C3orf70: variants seen among roughly 807,000 people sequenced by gnomAD.
C3orf70 encodes chromosome 3 open reading frame 70, also known as UPF0524 protein C3orf70.
In C3orf70, 15 loss-of-function variants were observed where a neutral mutation model predicts 20.7. The observed-to-expected ratio is 0.72, with a 90% CI of 0.48 to 1.11. C3orf70 has a LOEUF of 1.11. C3orf70 is among the 50% of genes most tolerant of loss of function. C3orf70 has a pLI of 0.00. For missense variants in C3orf70, 332 were observed against 317.6 expected, an observed-to-expected ratio of 1.05 and a Z score of -0.34; for synonymous variants, 161 against 125.7, an observed-to-expected ratio of 1.28 and a Z score of -1.88.
intron 1 of C3orf70, among the ~76,000 whole-genome samples, chr3:185,127,553 C>A (rs1716438293): frequency 6.6e-6 from 1 of 152,106 alleles, no homozygotes; most frequent in South Asian, 2.1e-4. Context: ...GATTCTCTTG[C>A]CTTGGCCTCC....
chr3:185,104,933 AT>A (rs1187239722), intron 1 of C3orf70, among the ~76,000 whole-genome samples: 1 of 152,240 alleles, frequency 6.6e-6, no homozygotes, highest in Non-Finnish European at 1.5e-5. Context: ...ATTTACCTTT[AT>A]AACAAACCTG....
At chr3:185,100,090 A>G (rs1715790926) in intron 1 of C3orf70, among the ~76,000 whole-genome samples, 1 of 152,198 alleles carries the variant, frequency 6.6e-6, no homozygotes, top group Non-Finnish European at 1.5e-5. Context: ...TGAGACTTCC[A>G]CACAAGAATA....
intron 1 of C3orf70, among the ~76,000 whole-genome samples, chr3:185,100,898 A>G (rs955162548): frequency 6.6e-6 from 1 of 152,242 alleles, no homozygotes; most frequent in Admixed American, 6.5e-5. Context: ...ATCAGAGAAT[A>G]TTATGAACAC....
chr3:185,083,183 T>G lies in C3orf70; in HGVS notation c.577A>C (p.Asn193His). ...SPSSSEDSGI[N>H]AIGAHYVESC... ...TCCACATAGTGAGCCCCAATCGCAT[T>G]GATCCCAGAGTCCTCAGAACTTGAG... The change falls in exon 2 of 2, where the codon AAT (asparagine) becomes CAT (histidine). Residue 193 changes from asparagine to histidine, a missense_variant. Physicochemically the swap from Asn to His is moderately conservative, Grantham distance 68. Transcript: ENST00000335012. 1 of 1,614,184 alleles carries G rather than the reference T, an allele frequency of 6.2e-7. No homozygotes were observed. Among genetic ancestry groups the G allele is most frequent in the Non-Finnish European group, 8.5e-7 (1 of 1,180,036 alleles).
chr3:185,105,691 C>A (rs1715918951), intron 1 of C3orf70, among the ~76,000 whole-genome samples: 1 of 152,218 alleles, frequency 6.6e-6, no homozygotes, highest in African/African-American at 2.4e-5. Flanking sequence ...GTTAGGGTCT[C>A]CCCAACCGAG....
At chr3:185,101,322 G>A (rs983497690) in intron 1 of C3orf70, among the ~76,000 whole-genome samples, 14 of 152,278 alleles carry the variant, frequency 9.2e-5, no homozygotes, top group Admixed American at 7.8e-4. Flanking sequence ...ACATCAAAAT[G>A]CTTATCCACC....
At chr3:185,150,774 T>C (rs374629846) in intron 1 of C3orf70, among the ~76,000 whole-genome samples, 5 of 152,172 alleles carry the variant, frequency 3.3e-5, no homozygotes, top group East Asian at 1.9e-4. Flanking sequence ...CAAAACCACC[T>C]TGGCACATGT....
chr3:185,121,150 G>T (rs969102461), intron 1 of C3orf70, among the ~76,000 whole-genome samples: 1 of 152,044 alleles, frequency 6.6e-6, no homozygotes, highest in Non-Finnish European at 1.5e-5. Flanking sequence ...AACATCATAC[G>T]TTCTCACTCA....
intron 1 of C3orf70, among the ~76,000 whole-genome samples, chr3:185,138,156 A>G (rs1265890105): frequency 1.3e-5 from 2 of 152,196 alleles, no homozygotes; most frequent in Non-Finnish European, 2.9e-5. Context: ...AATGAAATAA[A>G]CCAATTCCTG....
chr3:185,151,087 A>G (rs987724082), intron 1 of C3orf70, among the ~76,000 whole-genome samples: 7 of 152,254 alleles, frequency 4.6e-5, no homozygotes, highest in African/African-American at 1.7e-4. Flanking sequence ...ATTGTTCTAT[A>G]TGATTTCATA....
chr3:185,088,624 G>A (rs1715505581), intron 1 of C3orf70, among the ~76,000 whole-genome samples: 1 of 152,132 alleles, frequency 6.6e-6, no homozygotes, highest in Non-Finnish European at 1.5e-5. Flanking sequence ...GGAGGTACAT[G>A]CTGTTGATAA....
At chr3:185,090,764 TA>T (rs1273447567) in intron 1 of C3orf70, among the ~76,000 whole-genome samples, 1 of 152,012 alleles carries the variant, frequency 6.6e-6, no homozygotes, top group Admixed American at 6.5e-5. Context: ...TTATAGCCAA[TA>T]TTTTTTGTGG....
intron 1 of C3orf70, among the ~76,000 whole-genome samples, chr3:185,122,069 A>T: frequency 6.6e-6 from 1 of 150,562 alleles, no homozygotes; most frequent in African/African-American, 2.4e-5. Flanking sequence ...ACTGCCCTCC[A>T]GCCTGGGTGA....
Position 185,080,139 on chromosome 3 carries a change from A to T in C3orf70, c.*2868T>A, listed in dbSNP as rs553478253. The T allele has an allele frequency of 6.5e-6, 1 of 152,796 alleles. No homozygotes were observed. The highest frequency in any genetic ancestry group is 2.1e-4 in the South Asian group (1 of 4,828). 9.5% of individuals were successfully genotyped at this position (152,796 alleles called of 1,614,324 possible). On this transcript the variant is annotated 3_prime_UTR_variant, in exon 2 of 2. Coordinates refer to ENST00000335012, the MANE Select transcript of C3orf70 (RefSeq NM_001025266.3). ...ATCTTGTGCTTATTTAGAAAAGGTC[A>T]TTTTGAGATCCAGGAGTGTCTGATG...
In C3orf70 at chr3:185,152,779, G is replaced by T; in HGVS notation, c.45C>A (p.Ser15Arg). 6.3e-7 allele frequency: 1 copy of T among 1,579,170 alleles called. No homozygotes were observed. The highest frequency in any genetic ancestry group is 1.4e-5 in the African/African-American group (1 of 71,764). The change falls in exon 1 of 2, where the codon AGC becomes AGA. Residue 15 changes from serine to arginine, a missense_variant. By Grantham distance (110) the Ser-to-Arg change is moderately radical. Transcript: ENST00000335012. ...GGGCCTGAGCCTCATCTAGTTTCTC[G>T]CTCTTCCAACCCCGCTCCGACGCCG... ...ASPASERGWKSEKLDEAQALA... is the reference protein window; with the variant it reads ...ASPASERGWKREKLDEAQALA...
intron 1 of C3orf70, among the ~76,000 whole-genome samples, chr3:185,143,255 G>A (rs1168122394): frequency 4.6e-5 from 7 of 152,290 alleles, no homozygotes; most frequent in East Asian, 3.9e-4. Flanking sequence ...GGGGAAAGGC[G>A]AGACAAGAGG....
In C3orf70 at chr3:185,152,792, C is replaced by G. The variant is rs755845857; in HGVS notation, c.32G>C (p.Arg11Pro). The G allele has an allele frequency of 6.4e-7, 1 of 1,568,258 alleles. No homozygotes were observed. The highest frequency in any genetic ancestry group is 1.1e-5 in the South Asian group (1 of 87,030). Residue 11 changes from arginine to proline, a missense_variant, in exon 1 of 2, where the codon CGG becomes CCG. Arg to Pro is a moderately radical substitution (Grantham distance 103). Coordinates refer to ENST00000335012, the MANE Select transcript of C3orf70 (RefSeq NM_001025266.3). ...ATCTAGTTTCTCGCTCTTCCAACCC[C>G]GCTCCGACGCCGGCGAGGCCGCCGC... Reference protein sequence around the residue: MSAAASPASERGWKSEKLDEA... With the variant: MSAAASPASEPGWKSEKLDEA...
At chr3:185,128,786 C>G (rs199819558) in intron 1 of C3orf70, among the ~76,000 whole-genome samples, 1 of 152,152 alleles carries the variant, frequency 6.6e-6, no homozygotes, top group East Asian at 1.9e-4. Context: ...TTCCTTCTAT[C>G]AAACGCGCTT....
At chr3:185,092,560 C>T (rs951781213) in intron 1 of C3orf70, among the ~76,000 whole-genome samples, 2 of 152,176 alleles carry the variant, frequency 1.3e-5, no homozygotes, top group African/African-American at 2.4e-5. Flanking sequence ...GCAGGCAAAA[C>T]AGACAACCCT....
Sources: gnomAD v4.1 joint callset for allele counts (sites outside exome capture counted in the v4.1 genomes callset) on GRCh38, gnomAD v4.1.1 for gene constraint, MANE v1.5 for transcripts, NCBI Gene and HGNC (gene_info 2026-07-23, HGNC 2026-07-21) for gene names.